The following MEIKIN variants were observed in gnomAD, a reference collection of about 807,000 sequenced individuals.
MEIKIN encodes the protein meiosis-specific kinetochore protein.
intron 4 of MEIKIN, among the ~76,000 whole-genome samples, chr5:131,937,351 C>T (rs1283586744): frequency 6.6e-6 from 1 of 151,788 alleles, no homozygotes; most frequent in Non-Finnish European, 1.5e-5. Flanking sequence ...CTCACTGTTC[C>T]CTCTTCCCCT....
chr5:131,901,069 C>T lies in MEIKIN; in HGVS notation c.703+10746G>A, dbSNP rs544449019. On this transcript the variant is annotated intron_variant, in intron 8 of 12. Coordinates refer to ENST00000442687, the MANE Select transcript of MEIKIN (RefSeq NM_001303622.2). ...ATGAAGACTGCTAGCCCCATGCCTG[C>T]CAGTGCCCTGTTCTTGTGTTGACAC... 2.6e-5 allele frequency among the ~76,000 whole-genome samples: 4 copies of T among 152,284 alleles called. No individual in the cohort carries two copies. The East Asian group carries it at 7.7e-4, about 29-fold the overall frequency.
At chr5:131,815,660 C>G (rs1773088797) in intron 12 of MEIKIN, among the ~76,000 whole-genome samples, 1 of 152,224 alleles carries the variant, frequency 6.6e-6, no homozygotes, top group African/African-American at 2.4e-5. Context: ...AGAATCTGAA[C>G]TACTACTCCA....
At chr5:131,937,099 G>C (rs1306328013) in intron 4 of MEIKIN, among the ~76,000 whole-genome samples, 1 of 151,938 alleles carries the variant, frequency 6.6e-6, no homozygotes, top group Non-Finnish European at 1.5e-5. Context: ...ATTATCCTAA[G>C]AAATTCACAT....
chr5:131,807,244 T>C lies in MEIKIN; in HGVS notation c.1114A>G (p.Met372Val), dbSNP rs961257893. 7.5e-6 allele frequency: 3 copies of C among 398,432 alleles called. No homozygotes were observed. In the South Asian group the frequency reaches 3.8e-4, roughly 51 times the overall value. The allele number at this position is 398,432 out of a possible 1,614,324, so 24.7% of individuals were successfully genotyped here. A position where few individuals can be genotyped will look rare whatever the true frequency, so the allele number is the denominator to read the frequency against. ...CAGCCACAGCTGTTTTTTCATGCCA[T>C]TTTTATTATGATATCTGGAGAAAAA... ...KDTPQDIIIKMA is the reference protein window; with the variant it reads ...KDTPQDIIIKVA Residue 372 changes from methionine (M) to valine (V), a missense_variant, in exon 13 of 13, where the codon ATG (methionine) becomes GTG (valine). Coordinates refer to ENST00000442687, the MANE Select transcript of MEIKIN (RefSeq NM_001303622.2).
intron 8 of MEIKIN, among the ~76,000 whole-genome samples, chr5:131,885,946 G>C (rs1358161385): frequency 6.6e-6 from 1 of 152,110 alleles, no homozygotes; most frequent in East Asian, 1.9e-4. Flanking sequence ...ATTCTGTCTG[G>C]TAAATTTTAC....
At chr5:131,944,783 C>G (rs188112203) in intron 2 of MEIKIN, 31 bp from the exon 3 acceptor site, 1 of 399,054 alleles carries the variant, frequency 2.5e-6, no homozygotes, top group Admixed American at 4.4e-5. Flanking sequence ...TTAGTTTGCA[C>G]CATCTGGATT....
intron 11 of MEIKIN, among the ~76,000 whole-genome samples, chr5:131,838,230 G>T (rs1478885683): frequency 6.6e-6 from 1 of 152,044 alleles, no homozygotes; most frequent in Non-Finnish European, 1.5e-5. Flanking sequence ...TTAGCTTTTT[G>T]ATATGCTGCT....
At chr5:131,918,958 G>C (rs1751460056) in intron 6 of MEIKIN, among the ~76,000 whole-genome samples, 1 of 152,106 alleles carries the variant, frequency 6.6e-6, no homozygotes, top group Non-Finnish European at 1.5e-5. Context: ...CTCTGGGCTG[G>C]TATGGGAGAA....
chr5:131,807,203 C>CAA lies in MEIKIN; in HGVS notation c.*31_*32dup, dbSNP rs1772861128. ...GACTTTGACTTCACACTCCTGTCTTCAAAGTGGTGAAAATTCAGCCACAGC... is the reference window on the plus strand; with the variant it reads ...GACTTTGACTTCACACTCCTGTCTTCAAAAAGTGGTGAAAATTCAGCCACAGC... On this transcript the variant is annotated 3_prime_UTR_variant, in exon 13 of 13. Coordinates refer to ENST00000442687, the MANE Select transcript of MEIKIN (RefSeq NM_001303622.2). 1 of 398,360 alleles carries CAA rather than the reference C, an allele frequency of 2.5e-6. No homozygotes were observed. The highest frequency in any genetic ancestry group is 2.1e-5 in the African/African-American group (1 of 48,590). The allele number at this position is 398,360 out of a possible 1,614,324, so 24.7% of individuals were successfully genotyped here.
chr5:131,892,837 T>C (rs1339443625), intron 8 of MEIKIN, among the ~76,000 whole-genome samples: 2 of 152,152 alleles, frequency 1.3e-5, no homozygotes, highest in African/African-American at 4.8e-5. Flanking sequence ...TTTCCCCATC[T>C]TTGTGGTTTT....
chr5:131,850,938 A>G (rs966142348), intron 11 of MEIKIN, among the ~76,000 whole-genome samples: 5 of 151,936 alleles, frequency 3.3e-5, no homozygotes, highest in African/African-American at 9.7e-5. Context: ...ACAGAGTGAG[A>G]CTCTGTCAAA....
intron 11 of MEIKIN, among the ~76,000 whole-genome samples, chr5:131,845,292 A>AAAAAAAAAAAAAAAAAAAAC (rs1749997337): frequency 6.7e-6 from 1 of 149,760 alleles, no homozygotes. Context: ...AAAAAAAAAA[A>AAAAAAAAAAAAAAAAAAAAC]AAAAAAAAGA....
intron 11 of MEIKIN, among the ~76,000 whole-genome samples, chr5:131,841,421 C>A (rs1251423048): frequency 6.6e-6 from 1 of 152,160 alleles, no homozygotes; most frequent in African/African-American, 2.4e-5. Flanking sequence ...GCCTGCCTCC[C>A]TACGGGCATT....
chr5:131,917,120 C>CA (rs1388832281), intron 6 of MEIKIN, among the ~76,000 whole-genome samples, 195 bp from the exon 7 acceptor site: 7 of 152,054 alleles, frequency 4.6e-5, no homozygotes, highest in Non-Finnish European at 8.8e-5. Flanking sequence ...TTATGAGATA[C>CA]AGGAATCTCT....
At chr5:131,827,882 A>G (rs568255876) in intron 11 of MEIKIN, among the ~76,000 whole-genome samples, 14 of 152,098 alleles carry the variant, frequency 9.2e-5, no homozygotes, top group Non-Finnish European at 1.5e-5. Context: ...TGCAACTATC[A>G]ATAAATTCCA....
At chr5:131,879,482 G>T (rs937306891) in intron 8 of MEIKIN, among the ~76,000 whole-genome samples, 11 of 152,148 alleles carry the variant, frequency 7.2e-5, no homozygotes, top group African/African-American at 2.7e-4. Context: ...CGAAGCCTCG[G>T]CTTTTAGTGT....
intron 5 of MEIKIN, among the ~76,000 whole-genome samples, chr5:131,925,941 A>G (rs1751580283): frequency 6.6e-6 from 1 of 152,144 alleles, no homozygotes; most frequent in South Asian, 2.1e-4. Context: ...GTGCTGGGGT[A>G]CAGGTGTGAG....
chr5:131,822,583 T>C (rs1345391198), intron 11 of MEIKIN, among the ~76,000 whole-genome samples: 1 of 152,220 alleles, frequency 6.6e-6, no homozygotes, highest in Non-Finnish European at 1.5e-5. Context: ...CTCTATAACT[T>C]TGTCCTCTTG....
At chr5:131,867,777 G>C (rs1056499092) in intron 9 of MEIKIN, among the ~76,000 whole-genome samples, 1 of 152,130 alleles carries the variant, frequency 6.6e-6, no homozygotes, top group Non-Finnish European at 1.5e-5. Flanking sequence ...TTCACCTAAT[G>C]AAGAACATTT....
Sources: allele counts gnomAD v4.1 joint callset (sites outside exome capture counted in the v4.1 genomes callset), GRCh38; gene constraint gnomAD v4.1.1; transcripts MANE v1.5; gene names NCBI Gene and HGNC (gene_info 2026-07-23, HGNC 2026-07-21).